LIN28B: variants seen among roughly 807,000 people sequenced by gnomAD.
LIN28B encodes lin-28 RNA binding posttranscriptional regulator B.
LIN28B carries 5 observed loss-of-function variants against 21.9 expected under a neutral mutation model. That is an observed-to-expected ratio of 0.23 (90% CI 0.12 to 0.48). LIN28B has a LOEUF of 0.48. Among genes scored for constraint, LIN28B ranks in the 20% least tolerant of loss-of-function variants. LIN28B has a pLI of 0.98. For missense variants in LIN28B, 245 were observed against 310.5 expected (o/e 0.79, Z 1.58); for synonymous variants, 109 against 111.3 (o/e 0.98, Z 0.13).
intron 3 of LIN28B, among the ~76,000 whole-genome samples, chr6:105,047,561 AT>A (rs770426546): frequency 6.2e-4 from 95 of 152,296 alleles, no homozygotes; most frequent in Admixed American, 3.8e-3. Context: ...GAAGAAAGTC[AT>A]TCGTAGCTTG....
chr6:104,963,876 A>G (rs944935307), intron 2 of LIN28B, among the ~76,000 whole-genome samples: 2 of 152,232 alleles, frequency 1.3e-5, no homozygotes, highest in African/African-American at 4.8e-5. Context: ...AATTTTTTAA[A>G]TAAAAATATG....
chr6:105,014,341 C>T (rs767085596), intron 2 of LIN28B, among the ~76,000 whole-genome samples: 20 of 152,168 alleles, frequency 1.3e-4, no homozygotes, highest in African/African-American at 4.6e-4. Context: ...TTTTTTGAGA[C>T]GGAGTTTCAC....
At chr6:105,068,818 T>C (rs1772270688) in intron 3 of LIN28B, among the ~76,000 whole-genome samples, 1 of 152,212 alleles carries the variant, frequency 6.6e-6, no homozygotes, top group African/African-American at 2.4e-5. Flanking sequence ...TTAAGCACAA[T>C]GTAGTTTAGA....
At chr6:105,053,382 G>GGTGTGT (rs112180054) in intron 3 of LIN28B, among the ~76,000 whole-genome samples, 11,428 of 146,476 alleles carry the variant, frequency 0.078, 646 homozygotes, top group African/African-American at 0.15. Context: ...TATGTCTTAT[G>GGTGTGT]GTGTGTGTGT....
chr6:104,952,789 T>C (rs1180879705), upstream of LIN28B, among the ~76,000 whole-genome samples: 1 of 152,236 alleles, frequency 6.6e-6, no homozygotes, highest in Non-Finnish European at 1.5e-5. Context: ...ACTTTATTAT[T>C]CTGGGGAAAG....
chr6:105,069,121 G>T (rs1562113561), intron 3 of LIN28B, among the ~76,000 whole-genome samples: 2 of 152,128 alleles, frequency 1.3e-5, no homozygotes, highest in Non-Finnish European at 2.9e-5. Flanking sequence ...AGGAAGCTGA[G>T]GCATGAGAAT....
At position 105,082,174 on chromosome 6, in the gene LIN28B, G is replaced by A. The variant is rs1290071077; in HGVS notation, c.*3391G>A. 1 of 152,630 alleles carries A rather than the reference G, an allele frequency of 6.6e-6. No homozygotes were observed. Among genetic ancestry groups the A allele is most frequent in the East Asian group, 1.9e-4 (1 of 5,198 alleles). 9.5% of individuals were successfully genotyped at this position (152,630 alleles called of 1,614,324 possible). On this transcript the variant is annotated 3_prime_UTR_variant, in exon 4 of 4. Transcript: ENST00000345080. ...AGAAGGCCTTGGATGTATTTTTGCA[G>A]TTGAAAGATTTAGAAAGATTTTTAC...
upstream of LIN28B, among the ~76,000 whole-genome samples, chr6:104,954,139 A>G (rs550717680): frequency 5.8e-4 from 88 of 152,326 alleles, no homozygotes; most frequent in South Asian, 0.017. Flanking sequence ...GTCAAGCTAT[A>G]AAGTATTTGG....
intron 3 of LIN28B, among the ~76,000 whole-genome samples, chr6:104,951,179 A>G (rs1007208239): frequency 2.0e-5 from 3 of 152,154 alleles, no homozygotes; most frequent in South Asian, 2.1e-4. Context: ...ATCTTATTTG[A>G]TGATAATTTA....
At chr6:104,979,312 T>G (rs139996724) in intron 2 of LIN28B, among the ~76,000 whole-genome samples, 3,398 of 151,950 alleles carry the variant, frequency 0.022, 149 homozygotes, top group African/African-American at 0.079. Flanking sequence ...CAGGCTCAAG[T>G]GGTTCTCCTG....
At chr6:105,000,288 G>A (rs1465291947) in intron 2 of LIN28B, among the ~76,000 whole-genome samples, 1 of 152,092 alleles carries the variant, frequency 6.6e-6, no homozygotes, top group Non-Finnish European at 1.5e-5. Context: ...ATGAAAAAAT[G>A]CAAGTTTTCT....
chr6:104,983,998 C>G (rs911113513), intron 2 of LIN28B, among the ~76,000 whole-genome samples: 1 of 152,166 alleles, frequency 6.6e-6, no homozygotes, highest in African/African-American at 2.4e-5. Context: ...AATTTACTTG[C>G]CGGCACCAAT....
At chr6:105,026,688 A>G (rs1386598187) in intron 3 of LIN28B, among the ~76,000 whole-genome samples, 1 of 152,150 alleles carries the variant, frequency 6.6e-6, no homozygotes, top group Non-Finnish European at 1.5e-5. Flanking sequence ...TTAAGCACTG[A>G]ATAGTTCCTT....
chr6:105,031,963 C>G (rs1038988909), intron 3 of LIN28B, among the ~76,000 whole-genome samples: 12 of 152,156 alleles, frequency 7.9e-5, no homozygotes, highest in African/African-American at 2.9e-4. Flanking sequence ...CCCTGGCAGC[C>G]TCTGACCTAT....
chr6:105,046,180 T>A (rs926003398), intron 3 of LIN28B, among the ~76,000 whole-genome samples: 6 of 151,988 alleles, frequency 3.9e-5, no homozygotes, highest in African/African-American at 1.4e-4. Flanking sequence ...CTCCACCCCA[T>A]GACAGGCCCC....
chr6:105,016,420 A>G (rs1423208299), intron 2 of LIN28B, among the ~76,000 whole-genome samples: 1 of 152,142 alleles, frequency 6.6e-6, no homozygotes, highest in African/African-American at 2.4e-5. Flanking sequence ...AAACTTTAAT[A>G]TTGTGATTAT....
rs562293121 is a variant in LIN28B at position 105,082,953 on chromosome 6, A to G, written c.*4170A>G. The G allele has an allele frequency of 2.0e-5, 3 of 152,662 alleles. No individual in the cohort carries two copies. The highest frequency in any genetic ancestry group is 4.4e-5 in the Non-Finnish European group (3 of 68,034). The allele number at this position is 152,662 out of a possible 1,614,324, so 9.5% of individuals were successfully genotyped here. The stretch of plus-strand genomic sequence containing the variant: ...CAATTAGTATGTGTTGCTTTTTGGT[A>G]TTAACAACTAACCGTACTAGAGACC... On this transcript the variant is annotated 3_prime_UTR_variant, in exon 4 of 4. Transcript: ENST00000345080.
chr6:105,048,319 G>A (rs937402881), intron 3 of LIN28B, among the ~76,000 whole-genome samples: 9 of 152,084 alleles, frequency 5.9e-5, no homozygotes, highest in South Asian at 2.1e-4. Flanking sequence ...GCTGGATTAC[G>A]TTTATTGATT....
intron 2 of LIN28B, among the ~76,000 whole-genome samples, chr6:104,948,970 T>G (rs1778188865): frequency 6.6e-6 from 1 of 152,156 alleles, no homozygotes; most frequent in Admixed American, 6.5e-5. Flanking sequence ...TTAGCTAACT[T>G]TCTTACATTA....
Sources: allele counts gnomAD v4.1 joint callset (sites outside exome capture counted in the v4.1 genomes callset), GRCh38; gene constraint gnomAD v4.1.1; transcripts MANE v1.5; gene names NCBI Gene and HGNC (gene_info 2026-07-23, HGNC 2026-07-21).